PNPLA2: variants seen among roughly 807,000 people sequenced by gnomAD.
PNPLA2 encodes patatin like domain 2, triacylglycerol lipase.
In PNPLA2, 28 loss-of-function variants were observed where a neutral mutation model predicts 39.7. That is an observed-to-expected ratio of 0.70 (90% CI 0.52 to 0.97). The LOEUF is 0.97. Ranked by LOEUF, PNPLA2 falls within the 50% of genes least tolerant of loss-of-function variation. PNPLA2 has a pLI of 0.00. For missense variants in PNPLA2, 768 were observed against 698.2 expected (o/e 1.10, Z -1.13); for synonymous variants, 392 against 321.1 (o/e 1.22, Z -2.36).
Position 821,999 on chromosome 11 carries a change from C to T in PNPLA2, c.462C>T (p.Leu154=), listed in dbSNP as rs780395638. The part of the protein sequence containing the change: ...CSGFIPVYCG[L]IPPSLQGVRY... The stretch of plus-strand genomic sequence containing the variant: ...GTTTCATCCCCGTGTACTGTGGGCT[C>T]ATCCCTCCCTCCCTCCAGGGGGTGG... The change falls in exon 4 of 10, where the codon CTC becomes CTT. Residue 154 remains leucine (L), a synonymous_variant. Coordinates refer to ENST00000336615, the MANE Select transcript of PNPLA2 (RefSeq NM_020376.4). The T allele has an allele frequency of 1.8e-5, 29 of 1,613,744 alleles. No individual in the cohort carries two copies. The highest frequency in any genetic ancestry group is 2.4e-5 in the Non-Finnish European group (28 of 1,179,984).
chr11:819,654 G>T lies in PNPLA2; in HGVS notation c.-65G>T. 7.1e-7 allele frequency: 1 copy of T among 1,409,808 alleles called. No individual in the cohort carries two copies. The allele number at this position is 1,409,808 out of a possible 1,614,324, so 87.3% of individuals were successfully genotyped here. On this transcript the variant is annotated 5_prime_UTR_variant, in exon 2 of 10. Coordinates refer to ENST00000336615, the MANE Select transcript of PNPLA2 (RefSeq NM_020376.4). ...GGCCCCCGGCTCCAGCGAGCGAGCGGCGAGCAGGCGGCTCACAGAGGCCTG... is the reference window on the plus strand; with the variant it reads ...GGCCCCCGGCTCCAGCGAGCGAGCGTCGAGCAGGCGGCTCACAGAGGCCTG...
At position 824,390 on chromosome 11, in the gene PNPLA2, C is replaced by G; in HGVS notation, c.1129C>G (p.Leu377Val). ...GCAGACGGGCAGCATCTGCCAGTAC[C>G]TGGTGATGCGCGCCAAGAGGAAGCT... is the stretch of plus-strand genomic sequence containing the variant. ...KEQTGSICQY[L>V]VMRAKRKLGR... Residue 377 changes from leucine (L) to valine (V), a missense_variant, in exon 9 of 10, where the codon CTG becomes GTG. Transcript: ENST00000336615. 6.4e-7 allele frequency: 1 copy of G among 1,553,534 alleles called. No homozygotes were observed. The highest frequency in any genetic ancestry group is 8.7e-7 in the Non-Finnish European group (1 of 1,148,886).
Position 822,549 on chromosome 11 carries a change from G to T in PNPLA2, c.639G>T (p.Gln213His). The stretch of plus-strand genomic sequence containing the variant: ...TGCGGGTCACCAACACCAGCATCCA[G>T]TTCAACCTGCGCAACCTCTACCGCC... Reference protein sequence around the residue: ...HELRVTNTSIQFNLRNLYRLS... With the variant: ...HELRVTNTSIHFNLRNLYRLS... Residue 213 changes from glutamine (Q) to histidine (H), a missense_variant, in exon 5 of 10, where the codon CAG becomes CAT. By Grantham distance (24) the Gln-to-His change is conservative. Transcript: ENST00000336615. The T allele has an allele frequency of 1.2e-6, 2 of 1,614,064 alleles. No individual in the cohort carries two copies. The highest frequency in any genetic ancestry group is 1.7e-6 in the Non-Finnish European group (2 of 1,180,030).
Position 821,792 on chromosome 11 carries a change from C to T in PNPLA2, c.352C>T (p.Leu118=). ...EHASGRLGIS[L]TRVSDGENVI... is the part of the protein sequence containing the mutation. ...TGCCAGTGGGCGCCTGGGCATCTCCCTGACCCGCGTGTCAGACGGCGAGAA... is the reference window on the plus strand; with the variant it reads ...TGCCAGTGGGCGCCTGGGCATCTCCTTGACCCGCGTGTCAGACGGCGAGAA... Residue 118 remains leucine (L), a synonymous_variant, in exon 3 of 10, where the codon CTG becomes TTG. Coordinates refer to ENST00000336615, the MANE Select transcript of PNPLA2 (RefSeq NM_020376.4). The T allele has an allele frequency of 6.2e-7, 1 of 1,614,000 alleles. No individual in the cohort carries two copies. Among genetic ancestry groups the T allele is most frequent in the Non-Finnish European group, 8.5e-7 (1 of 1,180,030 alleles).
Position 824,053 on chromosome 11 carries a change from G to T in PNPLA2, c.975G>T (p.Met325Ile). Residue 325 changes from methionine to isoleucine, a missense_variant, in exon 8 of 10, where the codon ATG becomes ATT. Physicochemically the swap from Met to Ile is conservative, Grantham distance 10. Coordinates refer to ENST00000336615, the MANE Select transcript of PNPLA2 (RefSeq NM_020376.4). ...PTDLLTTLSNMLPVRLATAMM... is the reference protein window; with the variant it reads ...PTDLLTTLSNILPVRLATAMM... ...ACCTGCTGACCACCCTCTCCAACAT[G>T]CTGCCTGTGCGTCTGGCCACGGCCA... The T allele has an allele frequency of 6.2e-7, 1 of 1,610,544 alleles. No homozygotes were observed. Among genetic ancestry groups the T allele is most frequent in the South Asian group, 1.1e-5 (1 of 90,656 alleles).
rs577868267 is a variant in PNPLA2, at chr11:819,523, C to T, written c.-145-51C>T. 33 of 1,265,228 alleles carry T rather than the reference C, an allele frequency of 2.6e-5. No individual in the cohort carries two copies. In the Middle Eastern group the frequency reaches 1.2e-3, roughly 47 times the overall value. 78.4% of individuals were successfully genotyped at this position (1,265,228 alleles called of 1,614,324 possible). A position where few individuals can be genotyped will look rare whatever the true frequency, so the allele number is the denominator to read the frequency against. Reference sequence around the variant, plus strand: ...TTGGTCTTCGTGTGCCGGCCCCGCCCCCGCCGTGAGTCCCACACTTAAAAG... The same window carrying T: ...TTGGTCTTCGTGTGCCGGCCCCGCCTCCGCCGTGAGTCCCACACTTAAAAG... On this transcript the variant is annotated intron_variant, in intron 1 of 9. Transcript: ENST00000336615.
rs1590173982 is a variant in PNPLA2 at position 819,934 on chromosome 11, G to T, written c.187+29G>T. 36 of 1,324,506 alleles carry T rather than the reference G, an allele frequency of 2.7e-5. No individual in the cohort carries two copies. The highest frequency in any genetic ancestry group is 3.5e-5 in the Non-Finnish European group (36 of 1,039,398). 82.0% of individuals were successfully genotyped at this position (1,324,506 alleles called of 1,614,324 possible). A position where few individuals can be genotyped will look rare whatever the true frequency, so the allele number is the denominator to read the frequency against. On this transcript the variant is annotated intron_variant, in intron 2 of 9. Coordinates refer to ENST00000336615, the MANE Select transcript of PNPLA2 (RefSeq NM_020376.4). Reference sequence around the variant, plus strand: ...AGCGGGGCCGGGGGCGGCAGGCGGGGGGCTGGCGGGAAGGCCGTGCGGGGC... The same window carrying T: ...AGCGGGGCCGGGGGCGGCAGGCGGGTGGCTGGCGGGAAGGCCGTGCGGGGC...
intron 2 of PNPLA2, 26 bp from the exon 3 acceptor site, chr11:821,602 C>A (rs1329824293): frequency 1.3e-6 from 2 of 1,538,810 alleles, no homozygotes; most frequent in Admixed American, 1.7e-5. Flanking sequence ...GGAGCATGGG[C>A]CCCTAACCTT....
chr11:824,109 G>T lies in PNPLA2; in HGVS notation c.1031G>T (p.Ser344Ile). ...GTGCCCTACACGCTGCCGCTGGAGA[G>T]CGCTCTGTCCTTCACCATCCGGTGT... ...MMVPYTLPLE[S>I]ALSFTIRLLE... is the part of the protein sequence containing the mutation. The change falls in exon 8 of 10, where the codon AGC becomes ATC. Residue 344 changes from serine (S) to isoleucine (I), a missense_variant. Transcript: ENST00000336615. The T allele has an allele frequency of 6.2e-7, 1 of 1,600,850 alleles. No individual in the cohort carries two copies. The highest frequency in any genetic ancestry group is 8.5e-7 in the Non-Finnish European group (1 of 1,175,192).
chr11:822,291 G>A (rs2133847805), intron 4 of PNPLA2, 106 bp from the exon 5 acceptor site: 1 of 1,037,568 alleles, frequency 9.6e-7, no homozygotes, highest in Non-Finnish European at 1.5e-6. Flanking sequence ...CTCAAATGAG[G>A]TAGCCACTGA....
Position 822,555 on chromosome 11 carries a change from C to G in PNPLA2, c.645C>G (p.Asn215Lys), listed in dbSNP as rs768336309. 1 of 1,614,070 alleles carries G rather than the reference C, an allele frequency of 6.2e-7. No homozygotes were observed. The change falls in exon 5 of 10, where the codon AAC (asparagine) becomes AAG (lysine). Residue 215 changes from asparagine to lysine, a missense_variant. Coordinates refer to ENST00000336615, the MANE Select transcript of PNPLA2 (RefSeq NM_020376.4). ...TCACCAACACCAGCATCCAGTTCAACCTGCGCAACCTCTACCGCCTCTCCA... is the reference window on the plus strand; with the variant it reads ...TCACCAACACCAGCATCCAGTTCAAGCTGCGCAACCTCTACCGCCTCTCCA... ...LRVTNTSIQF[N>K]LRNLYRLSKA...
At chr11:822,197 C>A in intron 4 of PNPLA2, 174 bp downstream of exon 4, 1 of 763,678 alleles carries the variant, frequency 1.3e-6, no homozygotes, top group South Asian at 1.5e-5. Flanking sequence ...GGCCCCCCAT[C>A]CCTTCCTCCG....
In PNPLA2 at chr11:824,667, G is replaced by A. The variant is rs754298378; in HGVS notation, c.1320G>A (p.Gln440=). ...CGCTGGCCAAGTGGGAGGAGTGCCAGCGCCAGCTGCTGCTCGGCCTCTTCT... is the reference window on the plus strand; with the variant it reads ...CGCTGGCCAAGTGGGAGGAGTGCCAACGCCAGCTGCTGCTCGGCCTCTTCT... ...GDALAKWEEC[Q]RQLLLGLFCT... is the part of the protein sequence containing the mutation. The change falls in exon 10 of 10, where the codon CAG becomes CAA. Residue 440 remains glutamine, a synonymous_variant. Transcript: ENST00000336615. The A allele has an allele frequency of 3.1e-6, 5 of 1,596,948 alleles. No homozygotes were observed. The highest frequency in any genetic ancestry group is 3.4e-4 in the Middle Eastern group (2 of 5,960).
chr11:821,711 G>T lies in PNPLA2; in HGVS notation c.271G>T (p.Val91Leu). ...LGPLHPSFNL[V>L]KIIRSFLLKV... ...CCCCCTGCACCCCTCCTTCAACCTGGTAAAGATCATCCGCAGTTTCCTGCT... is the reference window on the plus strand; with the variant it reads ...CCCCCTGCACCCCTCCTTCAACCTGTTAAAGATCATCCGCAGTTTCCTGCT... The change falls in exon 3 of 10, where the codon GTA (valine) becomes TTA (leucine). Residue 91 changes from valine to leucine, a missense_variant. Coordinates refer to ENST00000336615, the MANE Select transcript of PNPLA2 (RefSeq NM_020376.4). 2 of 1,614,004 alleles carry T rather than the reference G, an allele frequency of 1.2e-6. No homozygotes were observed. Among genetic ancestry groups the T allele is most frequent in the Non-Finnish European group, 1.7e-6 (2 of 1,180,022 alleles).
In PNPLA2 at chr11:825,429, G is replaced by C. The variant is rs143923514; in HGVS notation, c.*567G>C. ...CATATGAACGTACTGCATTCCTGCC[G>C]ACCCCCCTGTCTAGGATGCATCCAC... On this transcript the variant is annotated 3_prime_UTR_variant, in exon 10 of 10. Coordinates refer to ENST00000336615, the MANE Select transcript of PNPLA2 (RefSeq NM_020376.4). 6.7e-5 allele frequency: 11 copies of C among 163,130 alleles called. No homozygotes were observed. In the East Asian group the frequency reaches 1.9e-3, roughly 29 times the overall value. 10.1% of individuals were successfully genotyped at this position (163,130 alleles called of 1,614,324 possible).
rs1452466033 is a variant in PNPLA2, at chr11:822,386, T to G, written c.487-11T>G. ...CCTCACATACGGTCCTGTCTGTGTGTCCCGTGGAAGCGCTACGTGGATGGT... is the reference window on the plus strand; with the variant it reads ...CCTCACATACGGTCCTGTCTGTGTGGCCCGTGGAAGCGCTACGTGGATGGT... On this transcript the variant is annotated splice_polypyrimidine_tract_variant and intron_variant, in intron 4 of 9. Coordinates refer to ENST00000336615, the MANE Select transcript of PNPLA2 (RefSeq NM_020376.4). 2 of 1,612,014 alleles carry G rather than the reference T, an allele frequency of 1.2e-6. No homozygotes were observed. The highest frequency in any genetic ancestry group is 4.5e-5 in the East Asian group (2 of 44,868).
At position 824,839 on chromosome 11, in the gene PNPLA2, G is replaced by A. The variant is rs1385214959; in HGVS notation, c.1492G>A (p.Val498Met). ...LSTPAPEARP[V>M]IGALGL ...CACCCCTGCTCCCGAGGCCCGGCCCGTGATCGGGGCCCTGGGGCTGTGAGA... is the reference window on the plus strand; with the variant it reads ...CACCCCTGCTCCCGAGGCCCGGCCCATGATCGGGGCCCTGGGGCTGTGAGA... The change falls in exon 10 of 10, where the codon GTG becomes ATG. Residue 498 changes from valine (V) to methionine (M), a missense_variant. Val to Met is a conservative substitution (Grantham distance 21). Transcript: ENST00000336615. The A allele has an allele frequency of 1.2e-5, 19 of 1,534,412 alleles. No individual in the cohort carries two copies. The highest frequency in any genetic ancestry group is 1.5e-5 in the Non-Finnish European group (17 of 1,146,078).
chr11:819,310 C>T (rs1225893160), intron 1 of PNPLA2: 14 of 594,100 alleles, frequency 2.4e-5, no homozygotes, highest in Non-Finnish European at 3.0e-5. Context: ...GCTTCCGGCC[C>T]CCAGGCTCGG....
At chr11:822,129 C>T (rs1022110688) in intron 4 of PNPLA2, 106 bp downstream of exon 4, 16 of 1,030,312 alleles carry the variant, frequency 1.6e-5, no homozygotes, top group Non-Finnish European at 4.5e-6. Flanking sequence ...TCTGCCACCG[C>T]CTGTTACCCA....
Sources: allele counts gnomAD v4.1 joint callset, GRCh38; gene constraint gnomAD v4.1.1; transcripts MANE v1.5; gene names NCBI Gene and HGNC (gene_info 2026-07-23, HGNC 2026-07-21).